ANO3: variants seen among roughly 807,000 people sequenced by gnomAD.
The protein encoded by ANO3 is anoctamin-3.
Under a neutral mutation model 144.8 loss-of-function variants are expected in ANO3, and 99 were observed. That is an observed-to-expected ratio of 0.68 (90% CI 0.58 to 0.81). The LOEUF is 0.81. Among genes scored for constraint, ANO3 ranks in the 30% least tolerant of loss-of-function variants. The pLI is 0.00. For missense variants in ANO3, 905 were observed against 1,202.2 expected (o/e 0.75, Z 3.66); for synonymous variants, 414 against 392.6 (o/e 1.05, Z -0.64).
At chr11:26,549,669 T>C (rs1362683013) in intron 12 of ANO3, among the ~76,000 whole-genome samples, 1 of 151,932 alleles carries the variant, frequency 6.6e-6, no homozygotes. Flanking sequence ...TACATGTATA[T>C]ATTTACATGT....
intron 4 of ANO3, among the ~76,000 whole-genome samples, chr11:26,489,620 C>T (rs992735428): frequency 4.6e-5 from 7 of 152,184 alleles, no homozygotes; most frequent in Admixed American, 1.3e-4. Flanking sequence ...GGAGGGTGTA[C>T]CCTGCAAAGC....
chr11:26,546,758 CT>C (rs1259244223), intron 11 of ANO3, among the ~76,000 whole-genome samples: 1 of 151,996 alleles, frequency 6.6e-6, no homozygotes, highest in Non-Finnish European at 1.5e-5. Flanking sequence ...TCCTTCGATA[CT>C]TCCTGCGATG....
chr11:26,211,674 C>T (rs1851936247), intron 1 of ANO3, among the ~76,000 whole-genome samples: 2 of 152,124 alleles, frequency 1.3e-5, no homozygotes, highest in South Asian at 4.1e-4. Flanking sequence ...GGATCTAGAA[C>T]TAGAAATACA....
At chr11:26,418,805 G>A (rs1857668386) in intron 1 of ANO3, among the ~76,000 whole-genome samples, 1 of 151,946 alleles carries the variant, frequency 6.6e-6, no homozygotes, top group Non-Finnish European at 1.5e-5. Flanking sequence ...CAAAATAGGA[G>A]TAAATGAAGA....
intron 1 of ANO3, among the ~76,000 whole-genome samples, chr11:26,337,234 C>T (rs1855217273): frequency 6.6e-6 from 1 of 152,140 alleles, no homozygotes; most frequent in Non-Finnish European, 1.5e-5. Flanking sequence ...AGAGGAATTA[C>T]TGTGTTAATT....
intron 24 of ANO3, among the ~76,000 whole-genome samples, chr11:26,650,057 C>T (rs1853479559): frequency 6.6e-6 from 1 of 151,456 alleles, no homozygotes; most frequent in African/African-American, 2.4e-5. Flanking sequence ...AGATAGCGCC[C>T]GACATCTCCA....
intron 14 of ANO3, among the ~76,000 whole-genome samples, chr11:26,569,570 A>G (rs1454603817): frequency 6.6e-6 from 1 of 152,084 alleles, no homozygotes; most frequent in Non-Finnish European, 1.5e-5. Flanking sequence ...AGTAAGGTCC[A>G]GGAGATTTGG....
At chr11:26,456,644 A>G (rs1239214528) in intron 3 of ANO3, among the ~76,000 whole-genome samples, 1 of 106,336 alleles carries the variant, frequency 9.4e-6, no homozygotes, top group Non-Finnish European at 1.9e-5. Flanking sequence ...AAACTAGTTC[A>G]ACCATTGTGG....
chr11:26,217,537 A>G (rs1318941905), intron 1 of ANO3, among the ~76,000 whole-genome samples: 1 of 152,048 alleles, frequency 6.6e-6, no homozygotes, highest in African/African-American at 2.4e-5. Flanking sequence ...AGATATTCTG[A>G]TCTTAGACAT....
intron 4 of ANO3, among the ~76,000 whole-genome samples, chr11:26,477,428 A>G (rs1305268759): frequency 6.6e-6 from 1 of 152,012 alleles, no homozygotes; most frequent in Non-Finnish European, 1.5e-5. Flanking sequence ...TTCTCCATTC[A>G]TGTTTTTAGG....
chr11:26,249,730 T>G (rs1441197474), intron 1 of ANO3, among the ~76,000 whole-genome samples: 1 of 151,946 alleles, frequency 6.6e-6, no homozygotes, highest in Admixed American at 6.6e-5. Flanking sequence ...TATTAAAAAT[T>G]TCCCTCCAGG....
At chr11:26,559,683 T>A in intron 13 of ANO3, 36 bp from the exon 14 acceptor site, 1 of 1,493,072 alleles carries the variant, frequency 6.7e-7, no homozygotes, top group Non-Finnish European at 9.3e-7. Flanking sequence ...TATAATCAAT[T>A]TGCATGACTA....
chr11:26,302,368 G>A lies in ANO3; in HGVS notation c.155-7277G>A, dbSNP rs567091642. ...AAAATAGCTGGGCATGGTGACGCAC[G>A]CCTGTAATGCCAGTTACTCAGGAGG... On this transcript the variant is annotated intron_variant, in intron 1 of 27. Transcript: ENST00000672621. Among the ~76,000 whole-genome samples the A allele has an allele frequency of 1.4e-4, 22 of 152,182 alleles. No homozygotes were observed. The South Asian group carries it at 1.7e-3, about 11-fold the overall frequency.
intron 1 of ANO3, among the ~76,000 whole-genome samples, chr11:26,209,711 T>C (rs1851892042): frequency 6.6e-6 from 1 of 152,226 alleles, no homozygotes; most frequent in Non-Finnish European, 1.5e-5. Flanking sequence ...TATCTCATTG[T>C]GGTTTTGATT....
At chr11:26,365,455 C>T (rs912916470) in intron 1 of ANO3, among the ~76,000 whole-genome samples, 3 of 152,232 alleles carry the variant, frequency 2.0e-5, no homozygotes, top group African/African-American at 7.2e-5. Flanking sequence ...TTTGTTCTTC[C>T]CTAGTAGAGG....
chr11:26,468,276 C>G (rs1590387379), intron 4 of ANO3, among the ~76,000 whole-genome samples: 1 of 152,074 alleles, frequency 6.6e-6, no homozygotes, highest in Middle Eastern at 3.4e-3. Context: ...ACGGGTCCAC[C>G]ACTGTCACTT....
intron 1 of ANO3, among the ~76,000 whole-genome samples, chr11:26,319,785 AT>A (rs1467610557): frequency 6.6e-6 from 1 of 152,146 alleles, no homozygotes; most frequent in South Asian, 2.1e-4. Flanking sequence ...TTATTTATTT[AT>A]TTTTTATTAG....
intron 1 of ANO3, among the ~76,000 whole-genome samples, chr11:26,190,314 T>TA (rs1202487855): frequency 6.6e-6 from 1 of 152,138 alleles, no homozygotes; most frequent in Non-Finnish European, 1.5e-5. Flanking sequence ...GCTCATAGAT[T>TA]ATTATGTATT....
intron 1 of ANO3, among the ~76,000 whole-genome samples, chr11:26,217,522 G>A (rs529980749): frequency 6.6e-6 from 1 of 151,946 alleles, no homozygotes; most frequent in Non-Finnish European, 1.5e-5. Flanking sequence ...ATAAGCTCTG[G>A]ACTCAGATAT....
Sources: allele counts gnomAD v4.1 joint callset (sites outside exome capture counted in the v4.1 genomes callset), GRCh38; gene constraint gnomAD v4.1.1; transcripts MANE v1.5; gene names NCBI Gene and HGNC (gene_info 2026-07-23, HGNC 2026-07-21).